The following FHIP1A variants were observed in gnomAD, a reference collection of about 807,000 sequenced individuals.
FHIP1A encodes FHF complex subunit HOOK interacting protein 1A.
FHIP1A carries 61 observed loss-of-function variants against 88.6 expected under a neutral mutation model. The observed-to-expected ratio is 0.69, with a 90% confidence interval of 0.56 to 0.85. FHIP1A has a LOEUF of 0.85. Among genes scored for constraint, FHIP1A ranks in the 40% least tolerant of loss-of-function variants. FHIP1A has a pLI of 0.00. For missense variants in FHIP1A, 1,154 were observed against 1,273.5 expected, an observed-to-expected ratio of 0.91 and a Z score of 1.43; for synonymous variants, 478 against 496.0, an observed-to-expected ratio of 0.96 and a Z score of 0.48.
Position 151,437,450 on chromosome 4 carries a change from A to G in FHIP1A, c.-355-17251A>G, listed in dbSNP as rs1466476630. ...AATAGGGAACCTGGGATCTCCCACC[A>G]TTGCTCCAGGAAGAAAAATCACCTC... On this transcript the variant is annotated intron_variant, in intron 1 of 13. Transcript: ENST00000435205. 3.9e-5 allele frequency among the ~76,000 whole-genome samples: 6 copies of G among 152,260 alleles called. 1 individual carries two copies. Among genetic ancestry groups the G allele is most frequent in the Admixed American group, 6.5e-5 (1 of 15,288 alleles).
chr4:151,412,495 C>T (rs1732688708), intron 1 of FHIP1A, among the ~76,000 whole-genome samples: 1 of 152,150 alleles, frequency 6.6e-6, no homozygotes, highest in Non-Finnish European at 1.5e-5. Flanking sequence ...ACAGCCCATG[C>T]TTTCACTTTT....
chr4:151,564,549 A>G (rs1733305670), intron 3 of FHIP1A, among the ~76,000 whole-genome samples: 1 of 152,210 alleles, frequency 6.6e-6, no homozygotes, highest in Admixed American at 6.5e-5. Flanking sequence ...GCCACTCTTG[A>G]TGTTTGAAAC....
chr4:151,586,846 G>T, intron 6 of FHIP1A, 47 bp downstream of exon 6: 1 of 1,357,862 alleles, frequency 7.4e-7, no homozygotes, highest in Non-Finnish European at 1.0e-6. Flanking sequence ...TTCATTCAGA[G>T]CACAAGCACT....
At position 151,450,008 on chromosome 4, in the gene FHIP1A, C is replaced by T. The variant is rs553779816; in HGVS notation, c.-355-4693C>T. Among the ~76,000 whole-genome samples the T allele has an allele frequency of 3.3e-5, 5 of 152,038 alleles. No individual in the cohort carries two copies. The South Asian group carries it at 1.0e-3, about 32-fold the overall frequency. The stretch of plus-strand genomic sequence containing the variant: ...TATTGAGTACCTTGACATCTTTACT[C>T]AAAAATTCCCTCAAAATTAAAATTT... On this transcript the variant is annotated intron_variant, in intron 1 of 13. Coordinates refer to ENST00000435205, the MANE Select transcript of FHIP1A (RefSeq NM_001109977.3).
At chr4:151,444,673 G>A (rs918433601) in intron 1 of FHIP1A, among the ~76,000 whole-genome samples, 1 of 151,952 alleles carries the variant, frequency 6.6e-6, no homozygotes, top group Admixed American at 6.6e-5. Flanking sequence ...TCTACAAATG[G>A]AATTCCATAA....
At chr4:151,535,990 GGTT>G (rs1732053681) in intron 3 of FHIP1A, among the ~76,000 whole-genome samples, 1 of 152,196 alleles carries the variant, frequency 6.6e-6, no homozygotes, top group African/African-American at 2.4e-5. Context: ...TTGGATAAAA[GGTT>G]ATGTGAGTTT....
chr4:151,487,229 T>C (rs1730120323), intron 3 of FHIP1A, among the ~76,000 whole-genome samples: 1 of 152,212 alleles, frequency 6.6e-6, no homozygotes, highest in African/African-American at 2.4e-5. Context: ...ATTTTCCTCA[T>C]CTCAATGTCA....
intron 3 of FHIP1A, among the ~76,000 whole-genome samples, chr4:151,546,459 GTCTA>G (rs750818119): frequency 6.6e-5 from 10 of 152,250 alleles, no homozygotes; most frequent in Non-Finnish European, 1.2e-4. Context: ...ATACTCTCTC[GTCTA>G]TCTATCTGTC....
At chr4:151,482,115 GA>G (rs1354982781) in intron 2 of FHIP1A, among the ~76,000 whole-genome samples, 1 of 152,022 alleles carries the variant, frequency 6.6e-6, no homozygotes, top group East Asian at 1.9e-4. Flanking sequence ...TACATTTTTT[GA>G]AATTGTTTAT....
intron 7 of FHIP1A, among the ~76,000 whole-genome samples, chr4:151,610,604 T>C (rs901445034): frequency 2.2e-4 from 33 of 152,200 alleles, no homozygotes; most frequent in African/African-American, 8.0e-4. Context: ...TTCTGGGCCA[T>C]TTGCTATACC....
At chr4:151,428,462 C>T (rs1212990400) in intron 1 of FHIP1A, among the ~76,000 whole-genome samples, 1 of 152,072 alleles carries the variant, frequency 6.6e-6, no homozygotes. Context: ...ATACTACCTT[C>T]TCTTCTGTGT....
At chr4:151,410,017 GTGTA>G (rs1732548426) in intron 1 of FHIP1A, among the ~76,000 whole-genome samples, 1 of 152,330 alleles carries the variant, frequency 6.6e-6, no homozygotes, top group East Asian at 1.9e-4. Context: ...TATTGATAGT[GTGTA>G]TGTGTTTGTG....
intron 2 of FHIP1A, among the ~76,000 whole-genome samples, chr4:151,455,958 A>G (rs958398711): frequency 6.6e-6 from 1 of 152,072 alleles, no homozygotes; most frequent in Non-Finnish European, 1.5e-5. Context: ...AACAGAATAG[A>G]AAAATTTAAT....
chr4:151,658,868 T>C (rs1737348716), intron 13 of FHIP1A, among the ~76,000 whole-genome samples: 1 of 152,114 alleles, frequency 6.6e-6, no homozygotes, highest in Non-Finnish European at 1.5e-5. Flanking sequence ...AGGTCCAGGG[T>C]ATTCAACCAG....
chr4:151,507,868 G>A (rs542891579), intron 3 of FHIP1A, among the ~76,000 whole-genome samples: 32 of 152,326 alleles, frequency 2.1e-4, no homozygotes, highest in African/African-American at 7.7e-4. Flanking sequence ...TTACCAGTGA[G>A]ATTGTGTTAT....
intron 1 of FHIP1A, among the ~76,000 whole-genome samples, chr4:151,412,055 T>C (rs970215386): frequency 2.6e-5 from 4 of 152,220 alleles, no homozygotes; most frequent in African/African-American, 9.6e-5. Flanking sequence ...TTGTAGTAGA[T>C]GCCATTGTGT....
At chr4:151,492,783 C>CTGAA (rs1020032655) in intron 3 of FHIP1A, among the ~76,000 whole-genome samples, 2 of 152,020 alleles carry the variant, frequency 1.3e-5, no homozygotes, top group African/African-American at 4.8e-5. Context: ...ATTCTTTGAA[C>CTGAA]TGAATGATAA....
intron 1 of FHIP1A, among the ~76,000 whole-genome samples, chr4:151,443,027 GGTGGGA>G (rs1728465520): frequency 6.6e-6 from 1 of 152,092 alleles, no homozygotes; most frequent in African/African-American, 2.4e-5. Flanking sequence ...GGGAGGACAA[GGTGGGA>G]GTTCAAGTTC....
chr4:151,652,610 T>C (rs1396337054), intron 11 of FHIP1A, among the ~76,000 whole-genome samples: 1 of 152,230 alleles, frequency 6.6e-6, no homozygotes, highest in African/African-American at 2.4e-5. Context: ...CAAAGAAGTG[T>C]ACTCTTAGTG....
Sources: allele counts gnomAD v4.1 joint callset (sites outside exome capture counted in the v4.1 genomes callset), GRCh38; gene constraint gnomAD v4.1.1; transcripts MANE v1.5; gene names NCBI Gene and HGNC (gene_info 2026-07-23, HGNC 2026-07-21).